Variants in ALCAM observed in about 807,000 individuals in gnomAD.
ALCAM encodes CD166 antigen.
ALCAM carries 30 observed loss-of-function variants against 70.9 expected under a neutral mutation model. The observed-to-expected ratio is 0.42, with a 90% CI of 0.32 to 0.57. The LOEUF (loss-of-function observed/expected upper bound fraction) is 0.57. ALCAM is among the 20% of genes least tolerant of loss of function. The probability of loss-of-function intolerance (pLI) is 0.11; values close to 1 mark genes in which losing one functional copy is unlikely to be tolerated. For synonymous variants in ALCAM, 249 were observed against 242.5 expected, an observed-to-expected ratio of 1.03 and a Z score of -0.25; for missense variants, 591 against 695.1, an observed-to-expected ratio of 0.85 and a Z score of 1.68.
intron 1 of ALCAM, among the ~76,000 whole-genome samples, chr3:105,412,550 G>A (rs1443313863): frequency 5.3e-5 from 8 of 152,024 alleles, no homozygotes; most frequent in South Asian, 4.1e-4. Flanking sequence ...GCACTTTTGC[G>A]TTTGGGAAGT....
chr3:105,410,820 A>G (rs1936367869), intron 1 of ALCAM, among the ~76,000 whole-genome samples: 1 of 138,310 alleles, frequency 7.2e-6, no homozygotes, highest in Non-Finnish European at 1.6e-5. Context: ...AATATTAGAA[A>G]TGATTGTGGG....
intron 1 of ALCAM, among the ~76,000 whole-genome samples, chr3:105,489,514 A>G (rs16851209): frequency 0.11 from 16,014 of 152,238 alleles, 982 homozygotes; most frequent in South Asian, 0.17. Flanking sequence ...ATGATCACAT[A>G]TCATCAAAAA....
At chr3:105,470,851 T>C (rs572294403) in intron 1 of ALCAM, among the ~76,000 whole-genome samples, 5 of 151,414 alleles carry the variant, frequency 3.3e-5, no homozygotes, top group African/African-American at 9.6e-5. Context: ...TTTCAAAAGA[T>C]TTTTAATAAG....
chr3:105,536,404 T>C (rs945244701), intron 6 of ALCAM, among the ~76,000 whole-genome samples: 1 of 152,138 alleles, frequency 6.6e-6, no homozygotes, highest in African/African-American at 2.4e-5. Context: ...CAGAATTCTT[T>C]CTGTTAGAAA....
At chr3:105,420,137 G>T (rs911927453) in intron 1 of ALCAM, among the ~76,000 whole-genome samples, 1 of 151,596 alleles carries the variant, frequency 6.6e-6, no homozygotes, top group African/African-American at 2.4e-5. Context: ...TTTTCTAAAA[G>T]GTAGTATTTC....
Position 105,531,612 on chromosome 3 carries a change from T to C in ALCAM, c.395-390T>C, listed in dbSNP as rs186699775. On this transcript the variant is annotated intron_variant, in intron 3 of 15. Coordinates refer to ENST00000306107, the MANE Select transcript of ALCAM (RefSeq NM_001627.4). ...CAAGTATCTTTGTGATTCTGGTTCA[T>C]GTAAATTAATGTCTTCAGTTAATGA... Among the ~76,000 whole-genome samples the C allele has an allele frequency of 6.7e-3, 1,024 of 152,194 alleles. 11 individuals are homozygous for C. The highest frequency in any genetic ancestry group is 9.4e-3 in the Non-Finnish European group (642 of 67,986).
At chr3:105,498,030 CA>C (rs769545606) in intron 1 of ALCAM, among the ~76,000 whole-genome samples, 1,826 of 103,036 alleles carry the variant, frequency 0.018, 19 homozygotes, top group Non-Finnish European at 0.025. Context: ...GACTCTGCCT[CA>C]AAAAAAAAAA....
At chr3:105,552,915 T>G (rs1275752928) in intron 14 of ALCAM, 1 of 1,068,706 alleles carries the variant, frequency 9.4e-7, no homozygotes, top group African/African-American at 1.7e-5. Context: ...TTGGTTGAAG[T>G]TGGAGAAGAT....
intron 1 of ALCAM, among the ~76,000 whole-genome samples, chr3:105,390,672 C>T (rs866526884): frequency 7.2e-5 from 11 of 152,014 alleles, no homozygotes; most frequent in South Asian, 2.1e-4. Flanking sequence ...AATCTTTGCC[C>T]ATGCCTATGT....
rs759959513 is a variant in ALCAM at position 105,533,674 on chromosome 3, A to C, written c.531A>C (p.Leu177=). ...CATGGTACAGGAATGGAAAAGTGCT[A>C]CATCCCCTTGAAGGAGGTGGGTGTG... is the stretch of plus-strand genomic sequence containing the variant. ...NITWYRNGKV[L]HPLEGAVVII... is the part of the protein sequence containing the mutation. Residue 177 remains leucine, a synonymous_variant, in exon 5 of 16, where the codon CTA becomes CTC. Coordinates refer to ENST00000306107, the MANE Select transcript of ALCAM (RefSeq NM_001627.4). 4 of 1,611,460 alleles carry C rather than the reference A, an allele frequency of 2.5e-6. No homozygotes were observed. The East Asian group carries it at 8.9e-5, about 36-fold the overall frequency.
At chr3:105,457,114 C>G (rs1370419622) in intron 1 of ALCAM, among the ~76,000 whole-genome samples, 1 of 152,112 alleles carries the variant, frequency 6.6e-6, no homozygotes, top group African/African-American at 2.4e-5. Context: ...TATGCTCTGC[C>G]TTATGCTAAA....
chr3:105,483,742 T>A (rs1032449751), intron 1 of ALCAM, among the ~76,000 whole-genome samples: 6 of 152,042 alleles, frequency 3.9e-5, no homozygotes, highest in African/African-American at 7.2e-5. Flanking sequence ...ATGCAGGAGA[T>A]CAAGATACCA....
At chr3:105,418,606 T>C (rs1936566136) in intron 1 of ALCAM, among the ~76,000 whole-genome samples, 1 of 151,830 alleles carries the variant, frequency 6.6e-6, no homozygotes, top group Non-Finnish European at 1.5e-5. Context: ...GTTTTTCTCT[T>C]GGTGTGTGTC....
intron 14 of ALCAM, among the ~76,000 whole-genome samples, chr3:105,559,699 T>C (rs796909013): frequency 1.3e-5 from 2 of 152,176 alleles, no homozygotes; most frequent in African/African-American, 4.8e-5. Flanking sequence ...GAAAGTTCCC[T>C]TAGACTTCTT....
intron 6 of ALCAM, among the ~76,000 whole-genome samples, chr3:105,535,589 G>A (rs1197735841): frequency 6.6e-6 from 1 of 152,036 alleles, no homozygotes; most frequent in Non-Finnish European, 1.5e-5. Flanking sequence ...CTAACTGATA[G>A]TGTTGTTATA....
chr3:105,473,578 T>A (rs1034057669), intron 1 of ALCAM, among the ~76,000 whole-genome samples: 1 of 151,664 alleles, frequency 6.6e-6, no homozygotes, highest in Non-Finnish European at 1.5e-5. Context: ...TGGATAAGAA[T>A]TACTCAAGTA....
intron 1 of ALCAM, among the ~76,000 whole-genome samples, chr3:105,501,138 C>G (rs757044074): frequency 6.6e-6 from 1 of 152,130 alleles, no homozygotes; most frequent in Non-Finnish European, 1.5e-5. Context: ...GCGAGTGCTT[C>G]GAAGGCTCTG....
intron 3 of ALCAM, 144 bp downstream of exon 3, chr3:105,524,652 T>C (rs2152624412): frequency 7.2e-7 from 1 of 1,380,456 alleles, no homozygotes; most frequent in East Asian, 2.6e-5. Flanking sequence ...TTCATTCTGC[T>C]CATATATACT....
rs1940868215 is a variant in ALCAM at position 105,571,943 on chromosome 3, A to G, written c.*4A>G. The G allele has an allele frequency of 4.4e-6, 7 of 1,606,944 alleles. No individual in the cohort carries two copies. Among genetic ancestry groups the G allele is most frequent in the Non-Finnish European group, 6.0e-6 (7 of 1,174,066 alleles). On this transcript the variant is annotated 3_prime_UTR_variant, in exon 15 of 16. Coordinates refer to ENST00000306107, the MANE Select transcript of ALCAM (RefSeq NM_001627.4). ...CAATCACAAAACTGAAGCCTAAGAGAGAAACTGTCCTAGTTGTCCAGGTGA... is the reference window on the plus strand; with the variant it reads ...CAATCACAAAACTGAAGCCTAAGAGGGAAACTGTCCTAGTTGTCCAGGTGA...
Sources: allele counts gnomAD v4.1 joint callset (sites outside exome capture counted in the v4.1 genomes callset), GRCh38; gene constraint gnomAD v4.1.1; transcripts MANE v1.5; gene names NCBI Gene and HGNC (gene_info 2026-07-23, HGNC 2026-07-21).